The following SPAG16 variants were observed in gnomAD, a reference collection of about 807,000 sequenced individuals.
SPAG16 encodes the protein sperm associated antigen 16, also known as sperm-associated antigen 16 protein.
In SPAG16, 86 loss-of-function variants were observed where a neutral mutation model predicts 80.4. The observed-to-expected ratio is 1.07, with a 90% CI of 0.90 to 1.28. The LOEUF (loss-of-function observed/expected upper bound fraction) is 1.28. Among genes scored for constraint, SPAG16 ranks in the 50% most tolerant of loss-of-function variants. SPAG16 has a pLI of 0.00. For synonymous variants in SPAG16, 294 were observed against 265.9 expected, an observed-to-expected ratio of 1.11 and a Z score of -1.03; for missense variants, 870 against 765.3, an observed-to-expected ratio of 1.14 and a Z score of -1.61.
chr2:214,380,364 T>G (rs1700377319), intron 15 of SPAG16, among the ~76,000 whole-genome samples: 1 of 152,186 alleles, frequency 6.6e-6, no homozygotes, highest in Admixed American at 6.5e-5. Flanking sequence ...CCTAAAACAA[T>G]TTTCAGAAAT....
chr2:213,838,780 G>A (rs147153126), intron 10 of SPAG16, among the ~76,000 whole-genome samples: 1 of 152,262 alleles, frequency 6.6e-6, no homozygotes, highest in African/African-American at 2.4e-5. Flanking sequence ...ATTTTCTTAT[G>A]CCAGCTACAA....
At chr2:214,186,375 A>G (rs2125684297) in intron 15 of SPAG16, among the ~76,000 whole-genome samples, 1 of 152,276 alleles carries the variant, frequency 6.6e-6, no homozygotes, top group Middle Eastern at 3.4e-3. Context: ...TCTTCTAAGC[A>G]AATAAAGACT....
chr2:213,717,406 C>T (rs1163996418), intron 10 of SPAG16, among the ~76,000 whole-genome samples: 1 of 152,020 alleles, frequency 6.6e-6, no homozygotes, highest in Non-Finnish European at 1.5e-5. Flanking sequence ...GTGATCCGCC[C>T]GCCTCAGCTT....
chr2:214,012,275 TATATATATATATA>T (rs1273778690), intron 12 of SPAG16, among the ~76,000 whole-genome samples: 10 of 50,362 alleles, frequency 2.0e-4, no homozygotes, highest in African/African-American at 7.6e-4. Context: ...TATATATATA[TATATATATATATA>T]TTTTTTTTTT....
chr2:213,485,843 C>T (rs1402973017), intron 9 of SPAG16, among the ~76,000 whole-genome samples: 2 of 152,028 alleles, frequency 1.3e-5, no homozygotes, highest in Non-Finnish European at 2.9e-5. Context: ...CCTGGGTACT[C>T]AAGGGACTCA....
intron 13 of SPAG16, among the ~76,000 whole-genome samples, chr2:214,046,040 T>C (rs779427332): frequency 6.6e-6 from 1 of 151,918 alleles, no homozygotes; most frequent in Non-Finnish European, 1.5e-5. Context: ...ACCATAGAAA[T>C]TGAAAGGATT....
At chr2:214,050,555 G>GAA (rs2049589261) in intron 13 of SPAG16, among the ~76,000 whole-genome samples, 1 of 132,800 alleles carries the variant, frequency 7.5e-6, no homozygotes, top group African/African-American at 2.8e-5. Flanking sequence ...TAATGACATA[G>GAA]AACAGAATTG....
chr2:213,455,934 G>A (rs981450427), intron 9 of SPAG16, among the ~76,000 whole-genome samples: 4 of 152,080 alleles, frequency 2.6e-5, no homozygotes, highest in Middle Eastern at 3.2e-3. Flanking sequence ...TCCATTCCAG[G>A]TTGCCCTTTT....
At chr2:213,547,589 G>A (rs773362725) in intron 10 of SPAG16, among the ~76,000 whole-genome samples, 2 of 152,144 alleles carry the variant, frequency 1.3e-5, no homozygotes, top group Non-Finnish European at 2.9e-5. Context: ...TATACAGAAA[G>A]AGTGTGATTT....
intron 13 of SPAG16, among the ~76,000 whole-genome samples, chr2:214,066,173 G>GT (rs1256685289): frequency 6.6e-6 from 1 of 152,112 alleles, no homozygotes; most frequent in Admixed American, 6.5e-5. Flanking sequence ...AGGAGGAAGT[G>GT]TAAAGCTTCC....
chr2:214,238,726 C>G (rs947122803), intron 15 of SPAG16: 2 of 150,966 alleles, frequency 1.3e-5, no homozygotes, highest in African/African-American at 4.9e-5. Flanking sequence ...ACATCCTTAT[C>G]TGTTTTACTC....
intron 10 of SPAG16, among the ~76,000 whole-genome samples, chr2:213,687,904 A>G (rs571447992): frequency 1.2e-3 from 183 of 152,298 alleles, no homozygotes; most frequent in Non-Finnish European, 2.1e-3. Flanking sequence ...ACTCTGTAAA[A>G]TATTTGAAGG....
chr2:213,605,635 G>A (rs538671910), intron 10 of SPAG16, among the ~76,000 whole-genome samples: 6 of 152,100 alleles, frequency 3.9e-5, no homozygotes, highest in East Asian at 1.9e-4. Flanking sequence ...GACTACAGGC[G>A]CCTGCCACCA....
At chr2:213,414,180 A>G (rs1465204363) in intron 9 of SPAG16, among the ~76,000 whole-genome samples, 2 of 152,120 alleles carry the variant, frequency 1.3e-5, no homozygotes, top group Non-Finnish European at 2.9e-5. Context: ...CCAAACATAG[A>G]CCCCTCAATT....
At chr2:213,806,562 C>G (rs1031682137) in intron 10 of SPAG16, among the ~76,000 whole-genome samples, 2 of 151,904 alleles carry the variant, frequency 1.3e-5, no homozygotes, top group Non-Finnish European at 2.9e-5. Context: ...CAAGGAATTC[C>G]CACTGATATG....
At chr2:214,018,945 T>A (rs2047723016) in intron 13 of SPAG16, among the ~76,000 whole-genome samples, 1 of 152,158 alleles carries the variant, frequency 6.6e-6, no homozygotes. Context: ...AGCTCTGAAT[T>A]TTGTAGAGGA....
At chr2:213,462,513 A>G (rs572005835) in intron 9 of SPAG16, among the ~76,000 whole-genome samples, 1 of 152,326 alleles carries the variant, frequency 6.6e-6, no homozygotes, top group African/African-American at 2.4e-5. Context: ...CCCGAATTAT[A>G]AACCCCATAA....
At chr2:213,493,968 C>G (rs2074375400) in intron 10 of SPAG16, among the ~76,000 whole-genome samples, 1 of 152,184 alleles carries the variant, frequency 6.6e-6, no homozygotes, top group Non-Finnish European at 1.5e-5. Flanking sequence ...CCTGAAACTG[C>G]TCTTGCCGGT....
chr2:213,355,938 G>T (rs772798920), intron 7 of SPAG16, among the ~76,000 whole-genome samples: 75 of 152,152 alleles, frequency 4.9e-4, no homozygotes, highest in Non-Finnish European at 9.8e-4. Flanking sequence ...GGGCATCGTT[G>T]TCTTGTGCCA....
Sources: gnomAD v4.1 joint callset for allele counts (sites outside exome capture counted in the v4.1 genomes callset) on GRCh38, gnomAD v4.1.1 for gene constraint, MANE v1.5 for transcripts, NCBI Gene and HGNC (gene_info 2026-07-23, HGNC 2026-07-21) for gene names.